Variants in ASCC3 observed in about 807,000 individuals in gnomAD.
ASCC3 encodes the protein ASC-1 complex subunit P200.
ASCC3 carries 158 observed loss-of-function variants against 256.3 expected under a neutral mutation model. That is an observed-to-expected ratio of 0.62 (90% confidence interval 0.54 to 0.70). The LOEUF is 0.70. ASCC3 is among the 30% of genes least tolerant of loss of function. The probability of loss-of-function intolerance (pLI) is 0.00; values close to 1 mark genes in which losing one functional copy is unlikely to be tolerated. For missense variants in ASCC3, 2,259 were observed against 2,626.0 expected, an observed-to-expected ratio of 0.86 and a Z score of 3.05; for synonymous variants, 948 against 883.4, an observed-to-expected ratio of 1.07 and a Z score of -1.30.
At chr6:100,833,991 G>A (rs1771754369) in intron 4 of ASCC3, among the ~76,000 whole-genome samples, 1 of 152,102 alleles carries the variant, frequency 6.6e-6, no homozygotes. Flanking sequence ...GCTGGAACCC[G>A]GGAGGCAGAA....
chr6:100,642,841 G>T, intron 23 of ASCC3, 92 bp from the exon 24 acceptor site: 2 of 1,172,170 alleles, frequency 1.7e-6, no homozygotes, highest in Non-Finnish European at 2.5e-6. Context: ...ATCTCTACAA[G>T]ATATACTAAA....
intron 36 of ASCC3, among the ~76,000 whole-genome samples, chr6:100,561,006 T>C (rs1769915216): frequency 6.6e-6 from 1 of 152,002 alleles, no homozygotes; most frequent in African/African-American, 2.4e-5. Flanking sequence ...CAGGTATATA[T>C]GCATTTCCAA....
intron 10 of ASCC3, among the ~76,000 whole-genome samples, chr6:100,753,509 A>T (rs111536362): frequency 0.13 from 1,625 of 12,478 alleles, 16 homozygotes; most frequent in Non-Finnish European, 0.23. Flanking sequence ...TTTTTTTTTT[A>T]AAAAAAAAAA....
At chr6:100,665,675 G>T (rs1338127072) in intron 14 of ASCC3, among the ~76,000 whole-genome samples, 1 of 151,768 alleles carries the variant, frequency 6.6e-6, no homozygotes, top group Admixed American at 6.6e-5. Context: ...AGGAGGTGGA[G>T]GCTGCAGTGA....
chr6:100,723,836 A>C (rs1779458086), intron 11 of ASCC3, among the ~76,000 whole-genome samples: 1 of 142,350 alleles, frequency 7.0e-6, no homozygotes, highest in African/African-American at 2.6e-5. Flanking sequence ...CTGGGTTTGG[A>C]TATGGCCAGA....
intron 8 of ASCC3, among the ~76,000 whole-genome samples, chr6:100,774,755 C>T (rs1468354182): frequency 1.3e-5 from 2 of 152,120 alleles, no homozygotes; most frequent in East Asian, 3.9e-4. Context: ...CCTCCCACCT[C>T]AGCTTCCCAA....
intron 16 of ASCC3, among the ~76,000 whole-genome samples, chr6:100,659,653 A>G (rs1383130206): frequency 6.6e-6 from 1 of 151,496 alleles, no homozygotes; most frequent in Non-Finnish European, 1.5e-5. Flanking sequence ...ATGCTATTTT[A>G]CAGTCCCTAA....
intron 13 of ASCC3, among the ~76,000 whole-genome samples, chr6:100,693,607 G>A (rs1171105243): frequency 6.6e-6 from 1 of 152,048 alleles, no homozygotes; most frequent in African/African-American, 2.4e-5. Flanking sequence ...GGGATTTTAG[G>A]ACCAAAAGGG....
rs191625332 is a variant in ASCC3, at chr6:100,545,025, C to T, written c.5551-4638G>A. Among the ~76,000 whole-genome samples the T allele has an allele frequency of 5.0e-4, 76 of 152,110 alleles. No homozygotes were observed. The East Asian group carries it at 0.011, about 21-fold the overall frequency. On this transcript the variant is annotated intron_variant, in intron 36 of 41. Transcript: ENST00000369162. ...TCAAACATCAATAAATATAATTCAC[C>T]TTATAAATAAACTTTAAAAGAAAAA...
At chr6:100,581,044 G>C (rs1383282145) in intron 36 of ASCC3, among the ~76,000 whole-genome samples, 2 of 151,984 alleles carry the variant, frequency 1.3e-5, no homozygotes, top group Non-Finnish European at 2.9e-5. Context: ...ATAAACATAC[G>C]TGTGCATGTG....
intron 16 of ASCC3, among the ~76,000 whole-genome samples, chr6:100,659,944 T>G (rs954636291): frequency 1.5e-5 from 2 of 132,416 alleles, no homozygotes; most frequent in African/African-American, 4.9e-5. Context: ...TGTAGAATGT[T>G]ATGCAAACAC....
At chr6:100,738,145 A>T (rs535778856) in intron 10 of ASCC3, among the ~76,000 whole-genome samples, 8 of 152,278 alleles carry the variant, frequency 5.3e-5, no homozygotes, top group African/African-American at 1.9e-4. Context: ...TAGATTGAGA[A>T]AGTTTTATCC....
chr6:100,629,189 G>A lies in ASCC3; in HGVS notation c.4209-8C>T, dbSNP rs1774410513. ...CCTGTTAGTTCAATAACTCTGGAGG[G>A]AAATATAACAATGATCCCAGAAACT... is the stretch of plus-strand genomic sequence containing the variant. On this transcript the variant is annotated splice_region_variant and splice_polypyrimidine_tract_variant and intron_variant, in intron 26 of 41. Coordinates refer to ENST00000369162, the MANE Select transcript of ASCC3 (RefSeq NM_006828.4). 3.1e-6 allele frequency: 5 copies of A among 1,611,514 alleles called. No individual in the cohort carries two copies. Among genetic ancestry groups the A allele is most frequent in the Middle Eastern group, 3.3e-4 (2 of 6,006 alleles).
At chr6:100,636,641 A>G (rs2114879006) in intron 25 of ASCC3, among the ~76,000 whole-genome samples, 1 of 152,328 alleles carries the variant, frequency 6.6e-6, no homozygotes, top group East Asian at 1.9e-4. Context: ...GCCTCTTAAT[A>G]CCAAGGAGTT....
rs545996191 is a variant in ASCC3 at position 100,585,373 on chromosome 6, G to A, written c.5550+4261C>T. 5.3e-5 allele frequency among the ~76,000 whole-genome samples: 8 copies of A among 151,802 alleles called. No homozygotes were observed. In the East Asian group the frequency reaches 5.8e-4, roughly 11 times the overall value. ...ACCCTTTCTTCCAGTTGATCACATC[G>A]GCTCCTGAGGCTTCTGCATTCTTCA... On this transcript the variant is annotated intron_variant, in intron 36 of 41. Coordinates refer to ENST00000369162, the MANE Select transcript of ASCC3 (RefSeq NM_006828.4).
chr6:100,605,644 C>T lies in ASCC3; in HGVS notation c.5101G>A (p.Ala1701Thr), dbSNP rs756876237. The T allele has an allele frequency of 7.5e-6, 12 of 1,610,038 alleles. No homozygotes were observed. The South Asian group carries it at 1.3e-4, about 18-fold the overall frequency. Residue 1701 changes from alanine to threonine, a missense_variant, in exon 33 of 42, where the codon GCT becomes ACT. Ala to Thr is a moderately conservative substitution (Grantham distance 58). This residue lies in a region of ASCC3 where 1,839 missense variants were observed against 2,206.7 expected (regional missense o/e 0.83). Coordinates refer to ENST00000369162, the MANE Select transcript of ASCC3 (RefSeq NM_006828.4). ...GRPQFDDQGK[A>T]VILVHDIKKD... The stretch of plus-strand genomic sequence containing the variant: ...TTTATGTCATGAACTAGAATTACAG[C>T]TTTGCCTTGGTCATCGAACTGCGGC...
chr6:100,635,052 A>G (rs1774773174), intron 25 of ASCC3, among the ~76,000 whole-genome samples: 1 of 152,132 alleles, frequency 6.6e-6, no homozygotes, highest in Non-Finnish European at 1.5e-5. Context: ...ACTTTTGGGT[A>G]TATATCCAAA....
chr6:100,788,063 CA>C (rs1265177030), intron 8 of ASCC3, among the ~76,000 whole-genome samples: 1 of 151,566 alleles, frequency 6.6e-6, no homozygotes, highest in Non-Finnish European at 1.5e-5. Context: ...GAAAATATTA[CA>C]AACACATATC....
intron 1 of ASCC3, among the ~76,000 whole-genome samples, chr6:100,868,759 A>C (rs910668295): frequency 6.6e-6 from 1 of 152,224 alleles, no homozygotes; most frequent in Non-Finnish European, 1.5e-5. Context: ...ATGGAAGATA[A>C]ATGAAGAAAA....
Sources: gnomAD v4.1 joint callset for allele counts (sites outside exome capture counted in the v4.1 genomes callset) on GRCh38, gnomAD v4.1.1 for gene constraint, gnomAD v4.1.1 regional missense constraint, MANE v1.5 for transcripts, NCBI Gene and HGNC (gene_info 2026-07-23, HGNC 2026-07-21) for gene names.